CHCHD3: variants seen among roughly 807,000 people sequenced by gnomAD.
CHCHD3 encodes coiled-coil-helix-coiled-coil-helix domain containing 3.
In CHCHD3, 20 loss-of-function variants were observed where a neutral mutation model predicts 38.2. The observed-to-expected ratio is 0.52, with a 90% CI of 0.37 to 0.76. The LOEUF (loss-of-function observed/expected upper bound fraction) is 0.76. CHCHD3 is among the 30% of genes least tolerant of loss of function. The pLI, the probability that CHCHD3 is intolerant of heterozygous loss-of-function variation, is 0.00. For missense variants in CHCHD3, 245 were observed against 279.2 expected, an observed-to-expected ratio of 0.88 and a Z score of 0.87; for synonymous variants, 82 against 100.0, an observed-to-expected ratio of 0.82 and a Z score of 1.07.
intron 2 of CHCHD3, among the ~76,000 whole-genome samples, chr7:133,027,979 T>C (rs116459295): frequency 1.3e-5 from 2 of 152,200 alleles, no homozygotes; most frequent in Admixed American, 1.3e-4. Context: ...CTGTTAGCTA[T>C]GAAATTCTAG....
At chr7:132,977,722 C>T (rs905623502) in intron 3 of CHCHD3, among the ~76,000 whole-genome samples, 111 of 152,272 alleles carry the variant, frequency 7.3e-4, no homozygotes, top group African/African-American at 2.6e-3. Flanking sequence ...ACTGAATTAT[C>T]ACATCTACCA....
At chr7:132,809,057 C>T (rs1036005857) in intron 6 of CHCHD3, among the ~76,000 whole-genome samples, 1 of 152,016 alleles carries the variant, frequency 6.6e-6, no homozygotes, top group African/African-American at 2.4e-5. Flanking sequence ...TCAGGTGATC[C>T]TCCCACCTCA....
chr7:133,072,127 G>A (rs1814837388), intron 1 of CHCHD3, among the ~76,000 whole-genome samples: 1 of 150,840 alleles, frequency 6.6e-6, no homozygotes, highest in Non-Finnish European at 1.5e-5. Flanking sequence ...CCATGATCAT[G>A]CCACTGTGCT....
At chr7:132,903,021 T>G (rs1436025303) in intron 4 of CHCHD3, among the ~76,000 whole-genome samples, 3 of 152,100 alleles carry the variant, frequency 2.0e-5, no homozygotes, top group Non-Finnish European at 4.4e-5. Flanking sequence ...TTTAACATCC[T>G]TTGTCACCTT....
chr7:133,076,292 C>T (rs1341927857), intron 1 of CHCHD3, among the ~76,000 whole-genome samples: 7 of 152,130 alleles, frequency 4.6e-5, no homozygotes, highest in East Asian at 1.9e-4. Flanking sequence ...GGGAATTACA[C>T]CCTGAGGTCC....
At chr7:132,946,871 T>C (rs1349246033) in intron 4 of CHCHD3, among the ~76,000 whole-genome samples, 3 of 151,914 alleles carry the variant, frequency 2.0e-5, no homozygotes, top group Non-Finnish European at 4.4e-5. Context: ...TTATTCTTAT[T>C]GTTTCTTAAT....
chr7:132,922,660 T>G lies in CHCHD3; in HGVS notation c.370-36915A>C, dbSNP rs553681179. ...AAAGGCGTAAGTCATATTTCCCACT[T>G]GGGCAAGAAACTATTCTGATTATTT... On this transcript the variant is annotated intron_variant, in intron 4 of 7. Transcript: ENST00000262570. Among the ~76,000 whole-genome samples, 3 of 152,296 alleles carry G rather than the reference T, an allele frequency of 2.0e-5. No homozygotes were observed. In the East Asian group the frequency reaches 5.8e-4, roughly 29 times the overall value.
intron 4 of CHCHD3, among the ~76,000 whole-genome samples, chr7:132,902,344 T>C (rs1359807615): frequency 6.6e-6 from 1 of 152,222 alleles, no homozygotes; most frequent in Non-Finnish European, 1.5e-5. Flanking sequence ...TTATAAGTCA[T>C]GCTGCTATAA....
chr7:132,906,764 T>C (rs1174337081), intron 4 of CHCHD3, among the ~76,000 whole-genome samples: 3 of 152,192 alleles, frequency 2.0e-5, no homozygotes, highest in Non-Finnish European at 4.4e-5. Flanking sequence ...CTATCTTTTG[T>C]CCTCCTGTAG....
At chr7:132,859,769 C>A (rs1808435050) in intron 5 of CHCHD3, among the ~76,000 whole-genome samples, 1 of 152,086 alleles carries the variant, frequency 6.6e-6, no homozygotes, top group African/African-American at 2.4e-5. Context: ...CAGTTCAGAC[C>A]TCAGGGCTGT....
chr7:133,036,031 A>C, intron 2 of CHCHD3: 1 of 763,934 alleles, frequency 1.3e-6, no homozygotes. Context: ...CTTATTCTCC[A>C]TAAATAGTAA....
At chr7:132,850,293 C>G (rs1203850917) in intron 5 of CHCHD3, among the ~76,000 whole-genome samples, 1 of 152,158 alleles carries the variant, frequency 6.6e-6, no homozygotes, top group African/African-American at 2.4e-5. Context: ...GGTGGCTTGG[C>G]AAAATTAATA....
At chr7:132,849,779 T>C (rs1449358434) in intron 5 of CHCHD3, among the ~76,000 whole-genome samples, 1 of 152,148 alleles carries the variant, frequency 6.6e-6, no homozygotes, top group Admixed American at 6.6e-5. Flanking sequence ...CTTCAGCCCT[T>C]TATCTCAGCC....
intron 5 of CHCHD3, among the ~76,000 whole-genome samples, chr7:132,867,107 C>A (rs1808653293): frequency 6.6e-6 from 1 of 152,128 alleles, no homozygotes; most frequent in African/African-American, 2.4e-5. Flanking sequence ...TTATTGACTA[C>A]CTCACATTAA....
At chr7:133,066,612 C>A (rs1814677414) in intron 2 of CHCHD3, among the ~76,000 whole-genome samples, 2 of 152,068 alleles carry the variant, frequency 1.3e-5, no homozygotes, top group Non-Finnish European at 2.9e-5. Flanking sequence ...TGGTCATGGA[C>A]CAAAGAGTTC....
intron 4 of CHCHD3, among the ~76,000 whole-genome samples, chr7:132,902,597 T>C (rs1809697475): frequency 1.3e-5 from 2 of 152,144 alleles, no homozygotes; most frequent in South Asian, 4.2e-4. Context: ...ATGTTCTCAC[T>C]CATAGGTGGG....
At chr7:132,993,849 C>T (rs562408320) in intron 3 of CHCHD3, among the ~76,000 whole-genome samples, 3 of 152,356 alleles carry the variant, frequency 2.0e-5, no homozygotes, top group Non-Finnish European at 4.4e-5. Flanking sequence ...CAATGGCTCA[C>T]ATCTGTCGTC....
At chr7:132,977,607 T>C (rs754848877) in intron 3 of CHCHD3, among the ~76,000 whole-genome samples, 7 of 152,184 alleles carry the variant, frequency 4.6e-5, no homozygotes, top group Admixed American at 1.3e-4. Flanking sequence ...TTACTATCAT[T>C]TATGGATCAA....
chr7:132,890,854 T>C (rs933245597), intron 4 of CHCHD3, among the ~76,000 whole-genome samples: 10 of 152,230 alleles, frequency 6.6e-5, no homozygotes, highest in African/African-American at 2.4e-4. Context: ...GACTAATCTT[T>C]CACTATAATA....
Sources: allele counts gnomAD v4.1 joint callset (sites outside exome capture counted in the v4.1 genomes callset), GRCh38; gene constraint gnomAD v4.1.1; transcripts MANE v1.5; gene names NCBI Gene and HGNC (gene_info 2026-07-23, HGNC 2026-07-21).